Variants in RPS6KC1 observed in about 807,000 individuals in gnomAD.
RPS6KC1 encodes inactive ribosomal protein S6 kinase delta-1.
RPS6KC1 carries 54 observed loss-of-function variants against 103.8 expected under a neutral mutation model. The ratio of observed to expected loss-of-function variants is 0.52; its 90% CI spans 0.42 to 0.65. The LOEUF (loss-of-function observed/expected upper bound fraction) is 0.65, where lower values mean the gene tolerates loss of function less well. RPS6KC1 is among the 30% of genes least tolerant of loss of function. The probability of loss-of-function intolerance (pLI) is 0.00; values close to 1 mark genes in which losing one functional copy is unlikely to be tolerated. For synonymous variants in RPS6KC1, 439 were observed against 438.7 expected, an observed-to-expected ratio of 1.00 and a Z score of -0.01; for missense variants, 1,151 against 1,253.8, an observed-to-expected ratio of 0.92 and a Z score of 1.24.
At chr1:213,568,587 C>T in the RPS6KC1 span, among the ~76,000 whole-genome samples, 1 of 152,196 alleles carries the variant, frequency 6.6e-6, no homozygotes, top group African/African-American at 2.4e-5. Flanking sequence ...AGAGAATGTT[C>T]TCCAGGGCTA....
chr1:213,280,396 T>C, the RPS6KC1 span, among the ~76,000 whole-genome samples: 1 of 152,228 alleles, frequency 6.6e-6, no homozygotes, highest in Non-Finnish European at 1.5e-5. Context: ...ACTTGTATAG[T>C]GTTGGGTTTT....
At chr1:213,158,466 T>G (rs2090137494) in intron 6 of RPS6KC1, among the ~76,000 whole-genome samples, 1 of 152,228 alleles carries the variant, frequency 6.6e-6, no homozygotes, top group South Asian at 2.1e-4. Flanking sequence ...TTTAAGTTGT[T>G]ATAATACTTT....
chr1:213,186,483 T>C (rs951997783), intron 8 of RPS6KC1, among the ~76,000 whole-genome samples: 1 of 152,156 alleles, frequency 6.6e-6, no homozygotes, highest in African/African-American at 2.4e-5. Context: ...GTTATTTGCT[T>C]CTTTTCTCTT....
intron 8 of RPS6KC1, among the ~76,000 whole-genome samples, chr1:213,202,449 C>G (rs1294024454): frequency 6.6e-6 from 1 of 151,996 alleles, no homozygotes; most frequent in Non-Finnish European, 1.5e-5. Context: ...CCTGTCTCTA[C>G]TAAATATCCA....
intron 3 of RPS6KC1, among the ~76,000 whole-genome samples, chr1:213,092,595 C>G (rs1184425574): frequency 1.3e-5 from 2 of 151,234 alleles, no homozygotes; most frequent in Non-Finnish European, 2.9e-5. Context: ...TTGCTTGAAC[C>G]AGGGAGGCGG....
intron 6 of RPS6KC1, among the ~76,000 whole-genome samples, chr1:213,145,531 A>G (rs2087650401): frequency 6.6e-6 from 1 of 152,084 alleles, no homozygotes; most frequent in South Asian, 2.1e-4. Context: ...CAAAAAAGAT[A>G]TCCCAAAAGG....
At chr1:213,400,479 A>G in the RPS6KC1 span, among the ~76,000 whole-genome samples, 1 of 152,102 alleles carries the variant, frequency 6.6e-6, no homozygotes, top group African/African-American at 2.4e-5. Flanking sequence ...AGATCTGTGG[A>G]TCATCCAGCT....
At chr1:213,085,636 C>A (rs983205203) in intron 3 of RPS6KC1, among the ~76,000 whole-genome samples, 1 of 152,112 alleles carries the variant, frequency 6.6e-6, no homozygotes, top group African/African-American at 2.4e-5. Context: ...TCCACCTTTG[C>A]TGTTACCCTT....
At chr1:213,139,591 A>C (rs2086780535) in intron 6 of RPS6KC1, among the ~76,000 whole-genome samples, 1 of 152,042 alleles carries the variant, frequency 6.6e-6, no homozygotes. Flanking sequence ...CATTTTTTGA[A>C]TAGGCCATCC....
the RPS6KC1 span, among the ~76,000 whole-genome samples, chr1:213,567,360 G>A: frequency 6.6e-6 from 1 of 152,110 alleles, no homozygotes. Context: ...TCACTTCTTT[G>A]TATCATGTAG....
At chr1:213,459,079 G>A in the RPS6KC1 span, among the ~76,000 whole-genome samples, 50 of 152,164 alleles carry the variant, frequency 3.3e-4, 1 homozygote, top group African/African-American at 1.2e-3. Context: ...TTTTTGTTGT[G>A]TCTCTGCCAG....
At chr1:213,789,135 T>C in the RPS6KC1 span, among the ~76,000 whole-genome samples, 1 of 152,162 alleles carries the variant, frequency 6.6e-6, no homozygotes, top group South Asian at 2.1e-4. Flanking sequence ...GTTGAATTAA[T>C]TTACTTGGGA....
At chr1:213,258,851 G>A (rs1440130338) in intron 12 of RPS6KC1, among the ~76,000 whole-genome samples, 1 of 152,192 alleles carries the variant, frequency 6.6e-6, no homozygotes, top group Non-Finnish European at 1.5e-5. Context: ...GGCTCCCTGT[G>A]AAATGGGAAT....
the RPS6KC1 span, among the ~76,000 whole-genome samples, chr1:213,311,768 T>C: frequency 9.2e-5 from 14 of 152,116 alleles, no homozygotes; most frequent in Non-Finnish European, 1.8e-4. Flanking sequence ...ATTTTAAACA[T>C]TATTATCAAT....
intron 10 of RPS6KC1, 145 bp downstream of exon 10, chr1:213,232,400 T>C: frequency 2.0e-6 from 2 of 1,014,544 alleles, no homozygotes; most frequent in Non-Finnish European, 3.0e-6. Context: ...CCTCCCTACT[T>C]TGAGTTGTGA....
the RPS6KC1 span, among the ~76,000 whole-genome samples, chr1:213,733,711 T>C: frequency 5.3e-5 from 8 of 152,196 alleles, no homozygotes; most frequent in African/African-American, 1.9e-4. Context: ...AAACTAGCCA[T>C]TGACCAATGT....
chr1:213,499,714 C>G, the RPS6KC1 span, among the ~76,000 whole-genome samples: 4 of 151,520 alleles, frequency 2.6e-5, no homozygotes, highest in East Asian at 3.9e-4. Context: ...CTTACACAAA[C>G]CTAGATGGTA....
the RPS6KC1 span, among the ~76,000 whole-genome samples, chr1:213,408,044 G>T: frequency 6.6e-6 from 1 of 152,160 alleles, no homozygotes; most frequent in Non-Finnish European, 1.5e-5. Flanking sequence ...TGTCCTCAAG[G>T]ACTCACCTTT....
At chr1:213,549,171 G>A in the RPS6KC1 span, among the ~76,000 whole-genome samples, 1 of 152,106 alleles carries the variant, frequency 6.6e-6, no homozygotes, top group Admixed American at 6.5e-5. Context: ...TTATGTCTGT[G>A]GTGCAGTGAA....
Sources: allele counts gnomAD v4.1 joint callset (sites outside exome capture counted in the v4.1 genomes callset), GRCh38; gene constraint gnomAD v4.1.1; transcripts MANE v1.5; gene names NCBI Gene and HGNC (gene_info 2026-07-23, HGNC 2026-07-21).